MAP7: variants seen among roughly 807,000 people sequenced by gnomAD.
The protein encoded by MAP7 is microtubule associated protein 7.
A neutral mutation model predicts 94.8 loss-of-function variants in MAP7; 52 were observed. That is an observed-to-expected ratio of 0.55 (90% CI 0.44 to 0.69). The LOEUF is 0.69. MAP7 is among the 30% of genes least tolerant of loss of function. The pLI is 0.00. For missense variants in MAP7, 940 were observed against 964.6 expected (o/e 0.97, Z 0.34); for synonymous variants, 350 against 357.0 (o/e 0.98, Z 0.22).
chr6:136,530,498 G>T (rs1305505606), intron 1 of MAP7, among the ~76,000 whole-genome samples: 1 of 152,180 alleles, frequency 6.6e-6, no homozygotes, highest in Admixed American at 6.5e-5. Flanking sequence ...AACTTTGCAT[G>T]ATTTTGAAAA....
intron 1 of MAP7, among the ~76,000 whole-genome samples, chr6:136,525,361 A>C (rs948738844): frequency 7.9e-5 from 12 of 152,188 alleles, no homozygotes; most frequent in African/African-American, 2.4e-4. Flanking sequence ...GGGAAGTGAC[A>C]TTTTGACCCT....
chr6:136,425,186 G>A (rs999004520), intron 1 of MAP7, among the ~76,000 whole-genome samples: 5 of 152,196 alleles, frequency 3.3e-5, no homozygotes, highest in East Asian at 1.9e-4. Flanking sequence ...ACACTACTCA[G>A]AACAGCATAA....
rs140331936 is a variant in MAP7, at chr6:136,469,937, G to A, written c.68-48138C>T. Among the ~76,000 whole-genome samples the A allele has an allele frequency of 9.9e-5, 15 of 152,236 alleles. No homozygotes were observed. The East Asian group carries it at 1.7e-3, about 18-fold the overall frequency. On this transcript the variant is annotated intron_variant, in intron 1 of 17. Transcript: ENST00000354570. ...TTCGGGGAGAACTCTGAGGGTCCAC[G>A]TCCTCCCCTTTTGTGCATGGATTCA...
At chr6:136,537,145 C>CTT (rs3839516) in intron 1 of MAP7, among the ~76,000 whole-genome samples, 1 of 144,258 alleles carries the variant, frequency 6.9e-6, no homozygotes, top group African/African-American at 2.6e-5. Context: ...CTTTCTCTTT[C>CTT]TTTTTTTTTT....
chr6:136,462,561 G>C (rs1415973510), intron 1 of MAP7, among the ~76,000 whole-genome samples: 1 of 152,164 alleles, frequency 6.6e-6, no homozygotes, highest in Admixed American at 6.6e-5. Context: ...CCCTGCCAGT[G>C]CTCTTTGCCT....
chr6:136,476,779 G>C (rs1404049875), intron 1 of MAP7, among the ~76,000 whole-genome samples: 1 of 152,070 alleles, frequency 6.6e-6, no homozygotes. Context: ...ACATGTGTGT[G>C]TATATATATA....
At chr6:136,406,003 C>T (rs1437104718) in intron 3 of MAP7, among the ~76,000 whole-genome samples, 1 of 152,158 alleles carries the variant, frequency 6.6e-6, no homozygotes, top group African/African-American at 2.4e-5. Context: ...TGGCTCAATA[C>T]TATCTACGCT....
chr6:136,368,523 A>G (rs980031110), intron 8 of MAP7, among the ~76,000 whole-genome samples: 6 of 152,254 alleles, frequency 3.9e-5, no homozygotes, highest in African/African-American at 1.4e-4. Flanking sequence ...GCTGTTTAAT[A>G]GAACTTTCTG....
At chr6:136,506,853 GC>G (rs1404533790) in intron 1 of MAP7, among the ~76,000 whole-genome samples, 1 of 152,154 alleles carries the variant, frequency 6.6e-6, no homozygotes, top group Non-Finnish European at 1.5e-5. Context: ...CTGAGTGTTG[GC>G]CAATCCCAGC....
In MAP7 at chr6:136,476,702, A is replaced by C. The variant is rs1164398122; in HGVS notation, c.68-54903T>G. ...AATTCCACTGTGTAAGAGAAAAGGA[A>C]TCAGTTACATTAAAAGCAAAGACCA... is the stretch of plus-strand genomic sequence containing the variant. On this transcript the variant is annotated intron_variant, in intron 1 of 17. Coordinates refer to ENST00000354570, the MANE Select transcript of MAP7 (RefSeq NM_003980.6). 2.6e-5 allele frequency among the ~76,000 whole-genome samples: 4 copies of C among 152,232 alleles called. No homozygotes were observed. In the East Asian group the frequency reaches 7.7e-4, roughly 29 times the overall value.
chr6:136,344,358 T>C (rs1787116321), intron 17 of MAP7, 120 bp from the exon 18 acceptor site: 2 of 386,688 alleles, frequency 5.2e-6, no homozygotes, highest in Non-Finnish European at 9.1e-6. Context: ...TATACACTTA[T>C]ATAAGAATAG....
At chr6:136,347,143 CA>C (rs1192983596) in intron 16 of MAP7, among the ~76,000 whole-genome samples, 1 of 151,074 alleles carries the variant, frequency 6.6e-6, no homozygotes, top group Non-Finnish European at 1.5e-5. Flanking sequence ...ACAATGTAGC[CA>C]AATAATGCCT....
chr6:136,492,228 T>A (rs184169081), intron 1 of MAP7, among the ~76,000 whole-genome samples: 1 of 152,260 alleles, frequency 6.6e-6, no homozygotes. Flanking sequence ...GGAATATATA[T>A]ACTATAGGCA....
chr6:136,444,558 C>A (rs1188852867), intron 1 of MAP7, among the ~76,000 whole-genome samples: 2 of 152,138 alleles, frequency 1.3e-5, no homozygotes, highest in African/African-American at 4.8e-5. Flanking sequence ...GGAACCATCT[C>A]TTTGTGCATC....
chr6:136,547,592 TCTTAA>T (rs1239771804), intron 1 of MAP7, among the ~76,000 whole-genome samples: 3 of 152,086 alleles, frequency 2.0e-5, no homozygotes, highest in Non-Finnish European at 4.4e-5. Flanking sequence ...TTTTCCCAGC[TCTTAA>T]CTTTGGCTGT....
rs186862757 is a variant in MAP7 at position 136,439,658 on chromosome 6, C to T, written c.68-17859G>A. ...TACAAACTGAAATGCACTTTCTGAC[C>T]CTCTACATTTTGTTTCCCACTTCAT... On this transcript the variant is annotated intron_variant, in intron 1 of 17. Transcript: ENST00000354570. Among the ~76,000 whole-genome samples the T allele has an allele frequency of 5.6e-3, 845 of 152,230 alleles. 5 individuals are homozygous for T. Among genetic ancestry groups the T allele is most frequent in the Non-Finnish European group, 7.5e-3 (510 of 68,014 alleles).
At chr6:136,394,793 GT>G (rs1398244162) in intron 3 of MAP7, among the ~76,000 whole-genome samples, 3 of 150,456 alleles carry the variant, frequency 2.0e-5, no homozygotes. Context: ...CTTTTCTTTA[GT>G]TCCCATATAT....
In MAP7 at chr6:136,531,626, G is replaced by A. The variant is rs932764087; in HGVS notation, c.67+18716C>T. On this transcript the variant is annotated intron_variant, in intron 1 of 17. Transcript: ENST00000354570. ...AACTTGAAGTGAGAAAGAGAGAGACGGGACAGAGACTAGCTATGTAACTAC... is the reference window on the plus strand; with the variant it reads ...AACTTGAAGTGAGAAAGAGAGAGACAGGACAGAGACTAGCTATGTAACTAC... Among the ~76,000 whole-genome samples, 8 of 144,220 alleles carry A rather than the reference G, an allele frequency of 5.5e-5. 2 individuals carry two copies. Among genetic ancestry groups the A allele is most frequent in the African/African-American group, 2.3e-4 (8 of 34,442 alleles). 94.6% of individuals were successfully genotyped at this position (144,220 alleles called of 152,430 possible).
intron 1 of MAP7, among the ~76,000 whole-genome samples, chr6:136,546,315 T>C (rs1374725436): frequency 6.6e-6 from 1 of 151,738 alleles, no homozygotes; most frequent in Non-Finnish European, 1.5e-5. Flanking sequence ...CTCTGGCCTT[T>C]TTTTTTTTCA....
Sources: gnomAD v4.1 joint callset for allele counts (sites outside exome capture counted in the v4.1 genomes callset) on GRCh38, gnomAD v4.1.1 for gene constraint, MANE v1.5 for transcripts, NCBI Gene and HGNC (gene_info 2026-07-23, HGNC 2026-07-21) for gene names.